Variants in GRIK2 observed in about 807,000 individuals in gnomAD.
The protein encoded by GRIK2 is glutamate receptor ionotropic, kainate 2.
In GRIK2, 32 loss-of-function variants were observed where a neutral mutation model predicts 100.3. That is an observed-to-expected ratio of 0.32 (90% CI 0.24 to 0.43). GRIK2 has a LOEUF of 0.43. GRIK2 is among the 20% of genes least tolerant of loss of function. The pLI is 1.00. For synonymous variants in GRIK2, 417 were observed against 389.4 expected, an observed-to-expected ratio of 1.07 and a Z score of -0.83; for missense variants, 843 against 1,114.9, an observed-to-expected ratio of 0.76 and a Z score of 3.47.
chr6:101,569,801 A>T (rs1777447917), intron 2 of GRIK2, among the ~76,000 whole-genome samples: 1 of 152,138 alleles, frequency 6.6e-6, no homozygotes, highest in South Asian at 2.1e-4. Flanking sequence ...TAATAAGGTG[A>T]GTAAATTCCT....
At chr6:101,463,828 T>C (rs935752806) in intron 2 of GRIK2, among the ~76,000 whole-genome samples, 6 of 144,200 alleles carry the variant, frequency 4.2e-5, no homozygotes, top group African/African-American at 7.4e-5. Flanking sequence ...AACATCGTAT[T>C]GGTAATTAAA....
chr6:101,937,830 A>G (rs1582574287), intron 14 of GRIK2, among the ~76,000 whole-genome samples: 1 of 152,142 alleles, frequency 6.6e-6, no homozygotes, highest in Non-Finnish European at 1.5e-5. Flanking sequence ...TATTGTTCTC[A>G]TTTCTTAGAT....
intron 2 of GRIK2, among the ~76,000 whole-genome samples, chr6:101,472,984 C>A (rs529364573): frequency 3.9e-4 from 59 of 151,214 alleles, no homozygotes; most frequent in African/African-American, 1.3e-3. Flanking sequence ...TCTACTTGGC[C>A]CATTTGAAGG....
intron 14 of GRIK2, among the ~76,000 whole-genome samples, chr6:102,010,570 A>G (rs2152152): frequency 0.28 from 41,900 of 151,652 alleles, 6,210 homozygotes; most frequent in East Asian, 0.34. Context: ...ATTTTTTAGT[A>G]GAGGCTGGGT....
In GRIK2 at chr6:101,772,984, A is replaced by G. The variant is rs558291310; in HGVS notation, c.952-26664A>G. 1.7e-4 allele frequency among the ~76,000 whole-genome samples: 26 copies of G among 152,246 alleles called. 1 individual carries two copies. Among genetic ancestry groups the G allele is most frequent in the Admixed American group, 1.2e-3 (18 of 15,290 alleles). On this transcript the variant is annotated intron_variant, in intron 7 of 16. Transcript: ENST00000369134. ...TTGTTGTCAGTAACACATTAATAAC[A>G]TAAGTGTTGTTGAATGACCAAATCA...
chr6:101,941,881 T>C (rs1277141272), intron 14 of GRIK2, among the ~76,000 whole-genome samples: 2 of 152,088 alleles, frequency 1.3e-5, no homozygotes, highest in African/African-American at 4.8e-5. Flanking sequence ...AAGTATACAA[T>C]ATGAGAAACT....
At chr6:102,013,643 A>C (rs893677158) in intron 14 of GRIK2, among the ~76,000 whole-genome samples, 2 of 152,046 alleles carry the variant, frequency 1.3e-5, no homozygotes, top group African/African-American at 2.4e-5. Flanking sequence ...TAACATGAAA[A>C]GATGTTGAAT....
chr6:101,875,112 G>T (rs191277618), intron 11 of GRIK2, among the ~76,000 whole-genome samples: 2 of 151,994 alleles, frequency 1.3e-5, no homozygotes, highest in Admixed American at 6.6e-5. Flanking sequence ...GATTGCCCTG[G>T]CCAGAACTTC....
At chr6:101,918,394 CAA>C (rs1428379255) in intron 12 of GRIK2, among the ~76,000 whole-genome samples, 7 of 151,284 alleles carry the variant, frequency 4.6e-5, no homozygotes, top group African/African-American at 4.8e-5. Flanking sequence ...TGTGATATGA[CAA>C]AGTGTTCAAA....
intron 14 of GRIK2, among the ~76,000 whole-genome samples, chr6:101,940,388 G>C (rs568244890): frequency 6.6e-6 from 1 of 152,202 alleles, no homozygotes; most frequent in Admixed American, 6.6e-5. Flanking sequence ...AATCATTTTA[G>C]TCAAACTCTT....
chr6:102,047,560 C>A (rs943718953), intron 15 of GRIK2, among the ~76,000 whole-genome samples: 16 of 151,794 alleles, frequency 1.1e-4, no homozygotes, highest in African/African-American at 3.9e-4. Flanking sequence ...CCAGCCTGGC[C>A]AACATGGTGA....
chr6:101,895,648 G>A (rs1787388961), intron 12 of GRIK2, among the ~76,000 whole-genome samples: 1 of 151,676 alleles, frequency 6.6e-6, no homozygotes, highest in South Asian at 2.1e-4. Context: ...AACGACTGTT[G>A]TCACATTAAA....
intron 7 of GRIK2, among the ~76,000 whole-genome samples, chr6:101,733,013 A>G (rs570660762): frequency 2.6e-5 from 4 of 152,236 alleles, no homozygotes; most frequent in African/African-American, 9.6e-5. Context: ...CAAAGTCCCT[A>G]ACTCTACATA....
chr6:101,569,665 T>A (rs1777440834), intron 2 of GRIK2, among the ~76,000 whole-genome samples: 1 of 152,048 alleles, frequency 6.6e-6, no homozygotes, highest in African/African-American at 2.4e-5. Context: ...TTTATGTTTA[T>A]GTTGATATTT....
At chr6:101,966,688 C>A (rs1305234624) in intron 14 of GRIK2, among the ~76,000 whole-genome samples, 1 of 152,012 alleles carries the variant, frequency 6.6e-6, no homozygotes, top group Non-Finnish European at 1.5e-5. Flanking sequence ...AGGCCCATCC[C>A]CTCCTCACTT....
chr6:101,923,445 C>A (rs960183936), intron 12 of GRIK2, among the ~76,000 whole-genome samples: 1 of 151,932 alleles, frequency 6.6e-6, no homozygotes, highest in Non-Finnish European at 1.5e-5. Flanking sequence ...TTATTTGCAC[C>A]TTAATAAGTC....
chr6:101,712,175 A>C (rs1313043843), intron 7 of GRIK2, among the ~76,000 whole-genome samples: 4 of 151,788 alleles, frequency 2.6e-5, no homozygotes, highest in Non-Finnish European at 4.4e-5. Context: ...TCCTCAACAC[A>C]CTAAAGTTCC....
At chr6:101,518,057 C>T (rs1176142661) in intron 2 of GRIK2, among the ~76,000 whole-genome samples, 1 of 151,948 alleles carries the variant, frequency 6.6e-6, no homozygotes, top group African/African-American at 2.4e-5. Context: ...TGAAAAATAA[C>T]TTTTATCTCT....
chr6:101,836,245 G>T (rs1783082943), intron 10 of GRIK2, among the ~76,000 whole-genome samples: 1 of 151,828 alleles, frequency 6.6e-6, no homozygotes, highest in South Asian at 2.1e-4. Context: ...CTTGTGTATA[G>T]AATTAAAAAT....
Sources: gnomAD v4.1 joint callset for allele counts (sites outside exome capture counted in the v4.1 genomes callset) on GRCh38, gnomAD v4.1.1 for gene constraint, MANE v1.5 for transcripts, NCBI Gene and HGNC (gene_info 2026-07-23, HGNC 2026-07-21) for gene names.